The following CEP164 variants were observed in gnomAD, a reference collection of about 807,000 sequenced individuals.
CEP164 encodes the protein centrosomal protein 164, also known as centrosomal protein of 164 kDa.
Under a neutral mutation model 182.7 loss-of-function variants are expected in CEP164, and 162 were observed. The observed-to-expected ratio is 0.89, with a 90% confidence interval of 0.78 to 1.01. The LOEUF (loss-of-function observed/expected upper bound fraction) is 1.01, where lower values mean the gene tolerates loss of function less well. Among genes scored for constraint, CEP164 ranks in the 50% least tolerant of loss-of-function variants. The pLI is 0.00. For synonymous variants in CEP164, 661 were observed against 690.0 expected, an observed-to-expected ratio of 0.96 and a Z score of 0.66; for missense variants, 1,735 against 1,790.4, an observed-to-expected ratio of 0.97 and a Z score of 0.56.
intron 5 of CEP164, among the ~76,000 whole-genome samples, chr11:117,352,691 A>G (rs1007802939): frequency 2.6e-5 from 4 of 152,160 alleles, no homozygotes; most frequent in African/African-American, 7.2e-5. Context: ...GGCTCAAGCA[A>G]TTCTCCTGCC....
Position 117,368,618 on chromosome 11 carries a change from C to T in CEP164, c.766-2462C>T, listed in dbSNP as rs113323379. 6.5e-3 allele frequency among the ~76,000 whole-genome samples: 992 copies of T among 152,238 alleles called. 30 individuals carry two copies. The East Asian group carries it at 0.087, about 13-fold the overall frequency. On this transcript the variant is annotated intron_variant, in intron 8 of 32. Coordinates refer to ENST00000278935, the MANE Select transcript of CEP164 (RefSeq NM_014956.5). ...GCCAGGGTGGGTTGGCCCTGCTTGC[C>T]GAGTGAGGGGGTGTGGTTGGCCCGG...
At chr11:117,396,660 G>T in intron 26 of CEP164, 49 bp downstream of exon 26, 2 of 1,393,362 alleles carry the variant, frequency 1.4e-6, no homozygotes, top group Middle Eastern at 1.8e-4. Flanking sequence ...CCATGAAGGG[G>T]TAAGTGAGTA....
chr11:117,390,759 C>G lies in CEP164; in HGVS notation c.1935-18C>G. 1 of 1,613,896 alleles carries G rather than the reference C, an allele frequency of 6.2e-7. No homozygotes were observed. The highest frequency in any genetic ancestry group is 8.5e-7 in the Non-Finnish European group (1 of 1,179,932). ...TTTGTGGTTTCTCTGACAACCTAGC[C>G]TTTCCTTTCCATCTCAGTTCCTTGA... On this transcript the variant is annotated intron_variant, in intron 15 of 32. Transcript: ENST00000278935.
At chr11:117,346,243 A>T (rs555601702) in intron 4 of CEP164, among the ~76,000 whole-genome samples, 114 of 150,058 alleles carry the variant, frequency 7.6e-4, no homozygotes, top group African/African-American at 2.6e-3. Context: ...ACCCTTTTTT[A>T]TCCTGTAAGG....
intron 5 of CEP164, among the ~76,000 whole-genome samples, chr11:117,357,179 C>T (rs543692886): frequency 1.3e-5 from 2 of 152,082 alleles, no homozygotes; most frequent in South Asian, 4.1e-4. Context: ...CTGCAATCTG[C>T]ACCTCCATCG....
rs1316045643 is a variant in CEP164, at chr11:117,371,402, A to G, written c.1088A>G (p.Glu363Gly). Residue 363 changes from glutamate to glycine, a missense_variant, in exon 9 of 33, where the codon GAG (glutamate) becomes GGG (glycine). Glu to Gly is a moderately conservative substitution (Grantham distance 98, BLOSUM62 -2). Transcript: ENST00000278935. ...DAGEEGSRRE[E>G]AAKEPKKKAS... ...GGAGAGGAGGGTTCCAGGAGGGAAGAGGCAGCCAAGGAGCCAAAGAAGAAG... is the reference window on the plus strand; with the variant it reads ...GGAGAGGAGGGTTCCAGGAGGGAAGGGGCAGCCAAGGAGCCAAAGAAGAAG... The G allele has an allele frequency of 6.2e-7, 1 of 1,614,182 alleles. No individual in the cohort carries two copies. The highest frequency in any genetic ancestry group is 8.5e-7 in the Non-Finnish European group (1 of 1,180,016).
At chr11:117,355,896 G>T in intron 5 of CEP164, 1 of 1,040,890 alleles carries the variant, frequency 9.6e-7, no homozygotes, top group South Asian at 3.3e-5. Context: ...CTTTTAGGGA[G>T]GGCTCCCGAG....
intron 8 of CEP164, among the ~76,000 whole-genome samples, chr11:117,370,174 C>G (rs1009288453): frequency 3.3e-5 from 5 of 152,224 alleles, no homozygotes; most frequent in Non-Finnish European, 5.9e-5. Context: ...TCTTGTACAT[C>G]TAACCCTAAC....
chr11:117,393,201 A>G (rs2044936749), intron 20 of CEP164, 75 bp downstream of exon 20: 1 of 1,562,232 alleles, frequency 6.4e-7, no homozygotes, highest in South Asian at 1.1e-5. Flanking sequence ...ACACACATGC[A>G]CACACACATG....
At position 117,387,251 on chromosome 11, in the gene CEP164, A is replaced by G; in HGVS notation, c.1773A>G (p.Ala591=). 1.9e-6 allele frequency: 3 copies of G among 1,614,216 alleles called. No homozygotes were observed. Among genetic ancestry groups the G allele is most frequent in the Non-Finnish European group, 2.5e-6 (3 of 1,180,014 alleles). The change falls in exon 15 of 33, where the codon GCA becomes GCG. Residue 591 remains alanine (A), a synonymous_variant. Coordinates refer to ENST00000278935, the MANE Select transcript of CEP164 (RefSeq NM_014956.5). ...CCCCAGAGCAGCTCTCAGAGGCTGC[A>G]CTAAAGGCCATGGAAGAGGCAGTGG... ...VAPPEQLSEA[A]LKAMEEAVAQ...
Position 117,393,007 on chromosome 11 carries a change from A to G in CEP164, c.2497A>G (p.Ser833Gly), listed in dbSNP as rs2136375451. 2 of 1,613,218 alleles carry G rather than the reference A, an allele frequency of 1.2e-6. No individual in the cohort carries two copies. The highest frequency in any genetic ancestry group is 4.5e-5 in the East Asian group (2 of 44,856). Residue 833 changes from serine to glycine, a missense_variant, in exon 20 of 33, where the codon AGC becomes GGC. Transcript: ENST00000278935. ...YHVAGYEHELSSLLREKRQEV... is the reference protein window; with the variant it reads ...YHVAGYEHELGSLLREKRQEV... ...ATCCCTGCCATCTCCCCTGCAGCTC[A>G]GCAGTCTCCTGCGAGAGAAGCGCCA...
intron 6 of CEP164, 55 bp from the exon 7 acceptor site, chr11:117,362,349 G>A (rs1273626008): frequency 7.0e-6 from 11 of 1,571,592 alleles, no homozygotes; most frequent in Non-Finnish European, 9.5e-6. Flanking sequence ...CATTCTAAAG[G>A]TCATTCCAAA....
chr11:117,334,736 G>C (rs1387280269), intron 1 of CEP164, among the ~76,000 whole-genome samples: 1 of 139,972 alleles, frequency 7.1e-6, no homozygotes, highest in East Asian at 2.2e-4. Flanking sequence ...AGTGAACCAA[G>C]ATCGTGCCAC....
At chr11:117,332,682 G>C (rs982640079) in intron 1 of CEP164, among the ~76,000 whole-genome samples, 2 of 152,208 alleles carry the variant, frequency 1.3e-5, no homozygotes, top group African/African-American at 4.8e-5. Context: ...GACAGGAGAG[G>C]ATAAAATTGG....
intron 1 of CEP164, among the ~76,000 whole-genome samples, chr11:117,334,674 A>ACTC (rs1438783762): frequency 6.6e-6 from 1 of 150,732 alleles, no homozygotes; most frequent in Admixed American, 6.7e-5. Context: ...AATCCCAGCT[A>ACTC]CTCGGGCAGC....
At chr11:117,367,121 G>A (rs2041722369) in intron 8 of CEP164, among the ~76,000 whole-genome samples, 1 of 152,208 alleles carries the variant, frequency 6.6e-6, no homozygotes, top group South Asian at 2.1e-4. Context: ...GGACTTGGGT[G>A]CCCAGAGTGT....
chr11:117,371,324 G>T lies in CEP164; in HGVS notation c.1010G>T (p.Ser337Ile). 1 of 1,614,232 alleles carries T rather than the reference G, an allele frequency of 6.2e-7. No individual in the cohort carries two copies. The highest frequency in any genetic ancestry group is 8.5e-7 in the Non-Finnish European group (1 of 1,180,036). ...ACCCCCAAGGCAGACCCTACAGGCA[G>T]TGAGCCTGCCAAAGCCTCTGAAAAG... ...LVTPKADPTG[S>I]EPAKASEKEA... Residue 337 changes from serine (S) to isoleucine (I), a missense_variant, in exon 9 of 33, where the codon AGT becomes ATT. Coordinates refer to ENST00000278935, the MANE Select transcript of CEP164 (RefSeq NM_014956.5).
chr11:117,365,220 C>T (rs1408416286), intron 8 of CEP164, among the ~76,000 whole-genome samples: 3 of 152,216 alleles, frequency 2.0e-5, no homozygotes, highest in African/African-American at 7.2e-5. Flanking sequence ...GGAGATTCTG[C>T]CCTATTCATT....
At chr11:117,347,040 A>G (rs964543092) in intron 4 of CEP164, among the ~76,000 whole-genome samples, 4 of 152,204 alleles carry the variant, frequency 2.6e-5, no homozygotes, top group Non-Finnish European at 5.9e-5. Context: ...TTTGGTTTTA[A>G]ACATAAGCAC....
Sources: gnomAD v4.1 joint callset for allele counts (sites outside exome capture counted in the v4.1 genomes callset) on GRCh38, gnomAD v4.1.1 for gene constraint, MANE v1.5 for transcripts, NCBI Gene and HGNC (gene_info 2026-07-23, HGNC 2026-07-21) for gene names.